SDK1: variants seen among roughly 807,000 people sequenced by gnomAD.
SDK1 encodes the protein protein sidekick-1.
A neutral mutation model predicts 245.5 loss-of-function variants in SDK1; 157 were observed. The ratio of observed to expected loss-of-function variants is 0.64; its 90% confidence interval spans 0.56 to 0.73. The LOEUF (loss-of-function observed/expected upper bound fraction) is 0.73. Ranked by LOEUF, SDK1 falls within the 30% of genes least tolerant of loss-of-function variation. SDK1 has a pLI of 0.00. For synonymous variants in SDK1, 1,647 were observed against 1,278.5 expected (o/e 1.29, Z -6.15); for missense variants, 3,583 against 3,002.3 (o/e 1.19, Z -4.52).
chr7:3,515,235 T>G (rs189337103), intron 1 of SDK1, among the ~76,000 whole-genome samples: 31 of 152,272 alleles, frequency 2.0e-4, no homozygotes, highest in African/African-American at 5.5e-4. Flanking sequence ...ATTGTGACCC[T>G]GCTGAGAGAA....
chr7:4,021,076 C>T (rs755592660), intron 17 of SDK1, among the ~76,000 whole-genome samples: 1 of 152,132 alleles, frequency 6.6e-6, no homozygotes, highest in South Asian at 2.1e-4. Context: ...CAGAGACACT[C>T]AAGAATTGAT....
intron 1 of SDK1, among the ~76,000 whole-genome samples, chr7:3,448,597 A>C (rs1780415950): frequency 6.6e-6 from 1 of 152,070 alleles, no homozygotes; most frequent in Non-Finnish European, 1.5e-5. Flanking sequence ...TTTTTATATA[A>C]ATATCTTTTA....
chr7:4,029,996 C>T (rs144560752), intron 17 of SDK1, among the ~76,000 whole-genome samples: 17 of 152,334 alleles, frequency 1.1e-4, no homozygotes, highest in Admixed American at 3.3e-4. Context: ...TTGGGGTTTA[C>T]ACCCAGAGAG....
intron 1 of SDK1, among the ~76,000 whole-genome samples, chr7:3,596,242 G>C (rs977140366): frequency 1.3e-5 from 2 of 152,106 alleles, no homozygotes; most frequent in Non-Finnish European, 2.9e-5. Context: ...TGGCTGGGTT[G>C]CATGAGAGTT....
At chr7:3,385,629 A>T (rs947644870) in intron 1 of SDK1, among the ~76,000 whole-genome samples, 1 of 152,088 alleles carries the variant, frequency 6.6e-6, no homozygotes. Context: ...TTCAGCTCTC[A>T]GTCAACCTCT....
intron 4 of SDK1, among the ~76,000 whole-genome samples, chr7:3,787,662 C>T (rs1251708266): frequency 6.6e-6 from 1 of 152,136 alleles, no homozygotes; most frequent in Non-Finnish European, 1.5e-5. Flanking sequence ...TGGCCCGAGC[C>T]CTACCTGTCC....
intron 1 of SDK1, among the ~76,000 whole-genome samples, chr7:3,375,048 A>G (rs1299541946): frequency 1.3e-5 from 2 of 152,242 alleles, no homozygotes; most frequent in Non-Finnish European, 2.9e-5. Context: ...GATTTTAAGC[A>G]AGTATTAGTT....
chr7:4,246,352 G>C (rs1363349306), intron 44 of SDK1, among the ~76,000 whole-genome samples: 1 of 152,148 alleles, frequency 6.6e-6, no homozygotes, highest in African/African-American at 2.4e-5. Context: ...GATGGAGCCG[G>C]CAGGGCTCAG....
chr7:3,326,882 T>C (rs1779953178), intron 1 of SDK1, among the ~76,000 whole-genome samples: 1 of 152,188 alleles, frequency 6.6e-6, no homozygotes, highest in Admixed American at 6.5e-5. Context: ...TACATCTGTT[T>C]ATTACTGAAA....
At chr7:3,597,445 A>G (rs1583210232) in intron 1 of SDK1, among the ~76,000 whole-genome samples, 1 of 152,244 alleles carries the variant, frequency 6.6e-6, no homozygotes, top group African/African-American at 2.4e-5. Context: ...ATAGCAGAAC[A>G]GTGGGTTTTG....
At chr7:3,484,357 G>T (rs148581315) in intron 1 of SDK1, among the ~76,000 whole-genome samples, 2 of 152,100 alleles carry the variant, frequency 1.3e-5, no homozygotes, top group Non-Finnish European at 2.9e-5. Context: ...CATATATGGG[G>T]GCTGACTTGT....
At chr7:4,107,760 C>T (rs1267144159) in intron 22 of SDK1, among the ~76,000 whole-genome samples, 1 of 152,224 alleles carries the variant, frequency 6.6e-6, no homozygotes, top group East Asian at 1.9e-4. Context: ...TGAGACATTG[C>T]CCAGGCAGCC....
intron 14 of SDK1, among the ~76,000 whole-genome samples, chr7:4,002,055 A>G (rs1287352555): frequency 6.6e-6 from 1 of 152,258 alleles, no homozygotes; most frequent in Admixed American, 6.5e-5. Flanking sequence ...GGAATTCTAC[A>G]GTGCCACTAA....
intron 7 of SDK1, among the ~76,000 whole-genome samples, chr7:3,953,025 G>A (rs535725985): frequency 1.3e-5 from 2 of 152,224 alleles, no homozygotes; most frequent in African/African-American, 4.8e-5. Context: ...GGTAGCCTTA[G>A]AGGCCGCCTC....
intron 1 of SDK1, among the ~76,000 whole-genome samples, chr7:3,589,870 T>A (rs956675806): frequency 1.3e-5 from 2 of 152,134 alleles, no homozygotes; most frequent in Admixed American, 1.3e-4. Flanking sequence ...ATTTGCATAA[T>A]ACCCAGACTG....
intron 1 of SDK1, among the ~76,000 whole-genome samples, chr7:3,502,218 C>G (rs1782238945): frequency 6.6e-6 from 1 of 150,636 alleles, no homozygotes; most frequent in Admixed American, 6.6e-5. Context: ...CAAAATGTTT[C>G]AAAGATTTTT....
intron 19 of SDK1, among the ~76,000 whole-genome samples, chr7:4,055,542 T>C (rs966353381): frequency 1.5e-5 from 2 of 129,852 alleles, no homozygotes; most frequent in Non-Finnish European, 3.0e-5. Flanking sequence ...TTTGTTGTTG[T>C]TGTTGTTGTT....
chr7:3,311,064 T>A (rs1779537776), intron 1 of SDK1, among the ~76,000 whole-genome samples: 1 of 152,106 alleles, frequency 6.6e-6, no homozygotes, highest in African/African-American at 2.4e-5. Context: ...TCCTGTAATA[T>A]TAGGGAGTGA....
chr7:3,952,780 A>G (rs1780935807), intron 7 of SDK1, among the ~76,000 whole-genome samples: 2 of 152,070 alleles, frequency 1.3e-5, no homozygotes, highest in South Asian at 2.1e-4. Flanking sequence ...AATTAAGTAC[A>G]CTGGAGTTGC....
Sources: allele counts gnomAD v4.1 joint callset (sites outside exome capture counted in the v4.1 genomes callset), GRCh38; gene constraint gnomAD v4.1.1; transcripts MANE v1.5; gene names NCBI Gene and HGNC (gene_info 2026-07-23, HGNC 2026-07-21).